The following LCMT1 variants were observed in gnomAD, a reference collection of about 807,000 sequenced individuals.
The protein encoded by LCMT1 is leucine carboxyl methyltransferase 1, also known as [Phosphatase 2A protein]-leucine-carboxy methyltransferase 1.
Under a neutral mutation model 47.7 loss-of-function variants are expected in LCMT1, and 32 were observed. That is an observed-to-expected ratio of 0.67 (90% CI 0.51 to 0.90). LCMT1 has a LOEUF of 0.90. Among genes scored for constraint, LCMT1 ranks in the 40% least tolerant of loss-of-function variants. The pLI is 0.00. For missense variants in LCMT1, 375 were observed against 415.2 expected, an observed-to-expected ratio of 0.90 and a Z score of 0.84; for synonymous variants, 152 against 149.7, an observed-to-expected ratio of 1.02 and a Z score of -0.11.
At chr16:25,169,893 A>T (rs961511331) in intron 8 of LCMT1, among the ~76,000 whole-genome samples, 1 of 152,012 alleles carries the variant, frequency 6.6e-6, no homozygotes, top group Non-Finnish European at 1.5e-5. Flanking sequence ...ATTTTTTCTC[A>T]TAACACCTCC....
chr16:25,175,131 TTC>T (rs1427698181), intron 10 of LCMT1, 97 bp downstream of exon 10: 3 of 683,926 alleles, frequency 4.4e-6, no homozygotes, highest in Admixed American at 2.5e-5. Flanking sequence ...TCTTCCCTCT[TTC>T]TCTCTCTGTC....
chr16:25,119,423 C>T (rs1415158292), intron 1 of LCMT1, among the ~76,000 whole-genome samples: 1 of 152,058 alleles, frequency 6.6e-6, no homozygotes, highest in Non-Finnish European at 1.5e-5. Flanking sequence ...ACCTTTGCGC[C>T]ACATGAGCTG....
Position 25,161,159 on chromosome 16 carries a change from T to C in LCMT1, c.524T>C (p.Leu175Pro), listed in dbSNP as rs976069120. Reference sequence around the variant, plus strand: ...GTTATTGGAGCAGATCTCCGAGACCTGTCTGAACTGGAAGAGAAGCTAAAG... The same window carrying C: ...GTTATTGGAGCAGATCTCCGAGACCCGTCTGAACTGGAAGAGAAGCTAAAG... Reference protein sequence around the residue: ...YAVIGADLRDLSELEEKLKKC... With the variant: ...YAVIGADLRDPSELEEKLKKC... Residue 175 changes from leucine to proline, a missense_variant, in exon 6 of 11, where the codon CTG becomes CCG. Physicochemically the swap from Leu to Pro is moderately conservative, Grantham distance 98. Transcript: ENST00000399069. 5.0e-6 allele frequency: 8 copies of C among 1,610,590 alleles called. No homozygotes were observed. The Admixed American group carries it at 1.0e-4, about 20-fold the overall frequency.
intron 3 of LCMT1, among the ~76,000 whole-genome samples, chr16:25,134,802 T>C (rs1013769213): frequency 1.3e-5 from 2 of 152,170 alleles, no homozygotes; most frequent in South Asian, 2.1e-4. Context: ...CATTTTACTG[T>C]GTTGGCCAGG....
chr16:25,123,047 C>T (rs117829609), intron 1 of LCMT1, among the ~76,000 whole-genome samples: 3,350 of 152,156 alleles, frequency 0.022, 57 homozygotes, highest in Non-Finnish European at 0.032. Flanking sequence ...AATTATTTAA[C>T]GTATCTTTTA....
At chr16:25,132,142 A>G (rs367918574) in intron 2 of LCMT1, 8 of 515,798 alleles carry the variant, frequency 1.6e-5, no homozygotes, top group Admixed American at 1.3e-4. Context: ...TATTTTTCAT[A>G]CATAAAACTA....
chr16:25,124,347 A>G (rs993212665), intron 1 of LCMT1, among the ~76,000 whole-genome samples: 4 of 152,192 alleles, frequency 2.6e-5, no homozygotes, highest in Non-Finnish European at 5.9e-5. Flanking sequence ...GAGGGAAAAA[A>G]CAAGTGTGTA....
chr16:25,112,060 C>T (rs978490827), intron 1 of LCMT1, 64 bp downstream of exon 1: 2 of 1,082,708 alleles, frequency 1.8e-6, no homozygotes, highest in African/African-American at 1.6e-5. Context: ...GGAGGTGGGC[C>T]TGCATCTGAA....
intron 8 of LCMT1, among the ~76,000 whole-genome samples, chr16:25,169,964 A>G (rs1961704691): frequency 6.6e-6 from 1 of 152,052 alleles, no homozygotes; most frequent in Non-Finnish European, 1.5e-5. Context: ...TCACACCTAT[A>G]ATCCCAGCAC....
intron 1 of LCMT1, among the ~76,000 whole-genome samples, chr16:25,124,144 C>T (rs1475318154): frequency 6.6e-6 from 1 of 152,162 alleles, no homozygotes; most frequent in Non-Finnish European, 1.5e-5. Flanking sequence ...TTCCTTTCAT[C>T]AGGAAAGCAG....
intron 3 of LCMT1, among the ~76,000 whole-genome samples, chr16:25,134,682 C>T (rs918519063): frequency 6.6e-6 from 1 of 152,216 alleles, no homozygotes; most frequent in African/African-American, 2.4e-5. Flanking sequence ...CTCACAGCAA[C>T]CTCCACCTCC....
At chr16:25,131,307 C>T (rs1778347602) in intron 2 of LCMT1, among the ~76,000 whole-genome samples, 2 of 152,252 alleles carry the variant, frequency 1.3e-5, no homozygotes, top group Admixed American at 1.3e-4. Context: ...GCAAAGACCC[C>T]CACCCCACGC....
At chr16:25,160,760 C>T (rs546976048) in intron 5 of LCMT1, 22 of 532,094 alleles carry the variant, frequency 4.1e-5, no homozygotes, top group Middle Eastern at 3.1e-4. Context: ...GCTGTTGTTA[C>T]GTAGGAAAAG....
chr16:25,132,660 A>G, intron 3 of LCMT1, 137 bp downstream of exon 3: 1 of 845,152 alleles, frequency 1.2e-6, no homozygotes, highest in South Asian at 1.8e-5. Flanking sequence ...ATCTGCCTAG[A>G]TGCCCCTACG....
At chr16:25,156,940 CTTTTTTTTTT>C (rs5816285) in intron 5 of LCMT1, among the ~76,000 whole-genome samples, 1 of 130,038 alleles carries the variant, frequency 7.7e-6, no homozygotes, top group Admixed American at 7.9e-5. Context: ...TCCATTTTAC[CTTTTTTTTTT>C]TTTTTTTTTT....
At chr16:25,122,019 G>A (rs1960005293) in intron 1 of LCMT1, among the ~76,000 whole-genome samples, 1 of 152,184 alleles carries the variant, frequency 6.6e-6, no homozygotes, top group Non-Finnish European at 1.5e-5. Flanking sequence ...TGAAAATAGT[G>A]TTGTGATCAG....
At chr16:25,164,805 A>G in intron 7 of LCMT1, 87 bp downstream of exon 7, 3 of 1,562,042 alleles carry the variant, frequency 1.9e-6, no homozygotes, top group Non-Finnish European at 2.6e-6. Flanking sequence ...AACTTCCCTT[A>G]TCCTTTTCCT....
intron 1 of LCMT1, among the ~76,000 whole-genome samples, chr16:25,121,408 CAAAAG>C (rs971344318): frequency 7.2e-5 from 11 of 151,784 alleles, no homozygotes; most frequent in Admixed American, 2.0e-4. Context: ...GACTCCATCT[CAAAAG>C]AAAAAGAAAA....
At chr16:25,137,585 A>G (rs556212244) in intron 3 of LCMT1, among the ~76,000 whole-genome samples, 2 of 151,792 alleles carry the variant, frequency 1.3e-5, no homozygotes, top group Non-Finnish European at 2.9e-5. Flanking sequence ...GCTGGGGACT[A>G]CAGGTGCAAG....
Sources: allele counts gnomAD v4.1 joint callset (sites outside exome capture counted in the v4.1 genomes callset), GRCh38; gene constraint gnomAD v4.1.1; transcripts MANE v1.5; gene names NCBI Gene and HGNC (gene_info 2026-07-23, HGNC 2026-07-21).